Variants in GPRC5A observed in about 807,000 individuals in gnomAD.
GPRC5A encodes the protein G protein-coupled receptor class C group 5 member A, also known as retinoic acid-induced protein 3.
A neutral mutation model predicts 22.5 loss-of-function variants in GPRC5A; 19 were observed. The observed-to-expected ratio is 0.85, with a 90% CI of 0.59 to 1.24. The LOEUF (loss-of-function observed/expected upper bound fraction) is 1.24, where lower values mean the gene tolerates loss of function less well. Among genes scored for constraint, GPRC5A ranks in the 50% most tolerant of loss-of-function variants. The pLI, the probability that GPRC5A is intolerant of heterozygous loss-of-function variation, is 0.00. For synonymous variants in GPRC5A, 192 were observed against 184.5 expected, an observed-to-expected ratio of 1.04 and a Z score of -0.33; for missense variants, 471 against 451.1, an observed-to-expected ratio of 1.04 and a Z score of -0.40.
At chr12:12,908,148 A>G in intron 1 of GPRC5A, 95 bp from the exon 2 acceptor site, 1 of 830,690 alleles carries the variant, frequency 1.2e-6, no homozygotes, top group Non-Finnish European at 1.9e-6. Context: ...AAACATGCAA[A>G]ATTGGTTTCC....
rs1342463171 is a variant in GPRC5A at position 12,916,198 on chromosome 12, T to A, written c.*3659T>A. The A allele has an allele frequency of 6.3e-6, 1 of 158,742 alleles. No homozygotes were observed. The allele number at this position is 158,742 out of a possible 1,614,324, so 9.8% of individuals were successfully genotyped here. On this transcript the variant is annotated 3_prime_UTR_variant, in exon 4 of 4. Transcript: ENST00000014914. ...CCTGGGCTGAAATGGAATGTGCAAATGTAGCCCAGCCTGGTCCTTGGGTGT... is the reference window on the plus strand; with the variant it reads ...CCTGGGCTGAAATGGAATGTGCAAAAGTAGCCCAGCCTGGTCCTTGGGTGT...
rs560619743 is a variant in GPRC5A, at chr12:12,899,796, C to T, written c.-8+8132C>T. Among the ~76,000 whole-genome samples, 8 of 152,270 alleles carry T rather than the reference C, an allele frequency of 5.3e-5. No individual in the cohort carries two copies. The South Asian group carries it at 1.7e-3, about 32-fold the overall frequency. Reference sequence around the variant, plus strand: ...AAAATGAAAATGCTAGAAAGTCACACATTTTCAGGGCTGGGCTGGCGCGAA... The same window carrying T: ...AAAATGAAAATGCTAGAAAGTCACATATTTTCAGGGCTGGGCTGGCGCGAA... On this transcript the variant is annotated intron_variant, in intron 1 of 3. Coordinates refer to ENST00000014914, the MANE Select transcript of GPRC5A (RefSeq NM_003979.4).
At chr12:12,892,715 C>T (rs1332101212) in intron 1 of GPRC5A, among the ~76,000 whole-genome samples, 2 of 152,178 alleles carry the variant, frequency 1.3e-5, no homozygotes, top group African/African-American at 4.8e-5. Context: ...CAGCTGAAAC[C>T]TGCTCAGAAT....
chr12:12,895,817 A>AAT (rs1298598530), intron 1 of GPRC5A, among the ~76,000 whole-genome samples: 3 of 97,202 alleles, frequency 3.1e-5, no homozygotes, highest in African/African-American at 1.2e-4. Flanking sequence ...CTCTACTAAA[A>AAT]ATACAAAAAA....
Position 12,916,717 on chromosome 12 carries a change from C to T in GPRC5A, c.*4178C>T, listed in dbSNP as rs1032631085. The stretch of plus-strand genomic sequence containing the variant: ...CTGGCATCTTTACGGAGAGCGGTCT[C>T]ATATGCTATTGTTGTTAACGTGGAC... On this transcript the variant is annotated 3_prime_UTR_variant, in exon 4 of 4. Coordinates refer to ENST00000014914, the MANE Select transcript of GPRC5A (RefSeq NM_003979.4). 1 of 152,210 alleles carries T rather than the reference C, an allele frequency of 6.6e-6. No homozygotes were observed. Among genetic ancestry groups the T allele is most frequent in the African/African-American group, 2.4e-5 (1 of 41,442 alleles). 9.4% of individuals were successfully genotyped at this position (152,210 alleles called of 1,614,324 possible). A position where few individuals can be genotyped will look rare whatever the true frequency, so the allele number is the denominator to read the frequency against.
intron 1 of GPRC5A, among the ~76,000 whole-genome samples, chr12:12,905,445 G>A (rs1034237625): frequency 1.3e-5 from 2 of 151,670 alleles, no homozygotes; most frequent in Admixed American, 1.3e-4. Flanking sequence ...AATCTCATTG[G>A]GAAACAAAAA....
intron 1 of GPRC5A, among the ~76,000 whole-genome samples, chr12:12,906,400 A>G (rs949925335): frequency 1.3e-5 from 2 of 152,072 alleles, no homozygotes; most frequent in African/African-American, 2.4e-5. Flanking sequence ...GTGAAACCCC[A>G]TCTCTACAAA....
At chr12:12,895,065 A>G (rs1314347652) in intron 1 of GPRC5A, among the ~76,000 whole-genome samples, 2 of 152,154 alleles carry the variant, frequency 1.3e-5, no homozygotes, top group Non-Finnish European at 2.9e-5. Context: ...GGCGTGAGCC[A>G]CCGTGCCCGG....
chr12:12,896,316 A>T (rs1430822007), intron 1 of GPRC5A, among the ~76,000 whole-genome samples: 1 of 152,138 alleles, frequency 6.6e-6, no homozygotes, highest in African/African-American at 2.4e-5. Flanking sequence ...TTCTCTCATT[A>T]TTGCATAGAA....
In GPRC5A at chr12:12,915,745, C is replaced by T. The variant is rs945331041; in HGVS notation, c.*3206C>T. 1 of 388,504 alleles carries T rather than the reference C, an allele frequency of 2.6e-6. No individual in the cohort carries two copies. The highest frequency in any genetic ancestry group is 5.5e-6 in the Non-Finnish European group (1 of 180,582). The allele number at this position is 388,504 out of a possible 1,614,324, so 24.1% of individuals were successfully genotyped here. On this transcript the variant is annotated 3_prime_UTR_variant, in exon 4 of 4. Transcript: ENST00000014914. ...AACCTCGTGATCCACCTACCTTGGC[C>T]TCTGAAAGTGCTGGGATACCGTGGC...
chr12:12,909,276 C>A (rs551005485), intron 2 of GPRC5A, 105 bp downstream of exon 2: 2 of 821,664 alleles, frequency 2.4e-6, no homozygotes, highest in East Asian at 2.5e-5. Flanking sequence ...CAGATTATAC[C>A]CTTGATAGAA....
intron 1 of GPRC5A, among the ~76,000 whole-genome samples, chr12:12,899,610 A>G (rs1215797807): frequency 6.6e-6 from 1 of 152,236 alleles, no homozygotes; most frequent in Non-Finnish European, 1.5e-5. Context: ...ATGTAAAAGC[A>G]TGTAAATGAG....
rs971138416 is a variant in GPRC5A, at chr12:12,917,421, C to G, written c.*4882C>G. 11 of 152,178 alleles carry G rather than the reference C, an allele frequency of 7.2e-5. No homozygotes were observed. Among genetic ancestry groups the G allele is most frequent in the African/African-American group, 2.4e-4 (10 of 41,506 alleles). 9.4% of individuals were successfully genotyped at this position (152,178 alleles called of 1,614,324 possible). Reference sequence around the variant, plus strand: ...CTTCATTTTACAGAGGAACTCAGGGCTAATGGAGTTAATGCAACTAGATCA... The same window carrying G: ...CTTCATTTTACAGAGGAACTCAGGGGTAATGGAGTTAATGCAACTAGATCA... On this transcript the variant is annotated 3_prime_UTR_variant, in exon 4 of 4. Coordinates refer to ENST00000014914, the MANE Select transcript of GPRC5A (RefSeq NM_003979.4).
intron 1 of GPRC5A, among the ~76,000 whole-genome samples, chr12:12,894,616 C>G (rs541426124): frequency 6.6e-6 from 1 of 151,890 alleles, no homozygotes; most frequent in East Asian, 1.9e-4. Context: ...GCCATGTAGC[C>G]TAGGCTTGAC....
chr12:12,912,693 T>C lies in GPRC5A; in HGVS notation c.*154T>C. 1.7e-6 allele frequency: 1 copy of C among 603,746 alleles called. No individual in the cohort carries two copies. The highest frequency in any genetic ancestry group is 2.0e-5 in the South Asian group (1 of 49,126). 37.4% of individuals were successfully genotyped at this position (603,746 alleles called of 1,614,324 possible). On this transcript the variant is annotated 3_prime_UTR_variant, in exon 4 of 4. Transcript: ENST00000014914. ...CCCAGCCTCAACCACAATTCTTCCA[T>C]GCTGGGGCTGATGTGGGCTAGTAAG...
rs1864018426 is a variant in GPRC5A at position 12,912,746 on chromosome 12, T to A, written c.*207T>A. On this transcript the variant is annotated 3_prime_UTR_variant, in exon 4 of 4. Coordinates refer to ENST00000014914, the MANE Select transcript of GPRC5A (RefSeq NM_003979.4). The stretch of plus-strand genomic sequence containing the variant: ...TCCAGTTCTTAGAGGCGCTGTAGTA[T>A]TTTTTTTTTTTTGTCTCATCCTTTG... 9.7e-6 allele frequency: 1 copy of A among 103,450 alleles called. No homozygotes were observed. The highest frequency in any genetic ancestry group is 1.7e-5 in the Non-Finnish European group (1 of 59,012). 6.4% of individuals were successfully genotyped at this position (103,450 alleles called of 1,614,324 possible).
rs1864039333 is a variant in GPRC5A at position 12,914,553 on chromosome 12, T to TTTCTTTCC, written c.*2021_*2022insCTTCTTTC. ...CTTTCCTTCCTTCCTTCCTTTCTTC[T>TTTCTTTCC]TTCTTTCTTTCTTTCTTTCTTTCTT... On this transcript the variant is annotated 3_prime_UTR_variant, in exon 4 of 4. Coordinates refer to ENST00000014914, the MANE Select transcript of GPRC5A (RefSeq NM_003979.4). 1 of 42,494 alleles carries TTTCTTTCC rather than the reference T, an allele frequency of 2.4e-5. No individual in the cohort carries two copies. Among genetic ancestry groups the TTTCTTTCC allele is most frequent in the African/African-American group, 7.5e-5 (1 of 13,366 alleles). The allele number at this position is 42,494 out of a possible 1,614,324, so 2.6% of individuals were successfully genotyped here. A position where few individuals can be genotyped will look rare whatever the true frequency, so the allele number is the denominator to read the frequency against.
chr12:12,917,861 C>T lies in GPRC5A; in HGVS notation c.*5322C>T, dbSNP rs576032432. 6.6e-6 allele frequency: 1 copy of T among 152,326 alleles called. No individual in the cohort carries two copies. The highest frequency in any genetic ancestry group is 1.5e-5 in the Non-Finnish European group (1 of 68,028). 9.4% of individuals were successfully genotyped at this position (152,326 alleles called of 1,614,324 possible). A position where few individuals can be genotyped will look rare whatever the true frequency, so the allele number is the denominator to read the frequency against. ...CTGCTTAATGGATGCCTTTTCACAT[C>T]ATTTCAGTTTTTAGCCCTCATGACT... On this transcript the variant is annotated 3_prime_UTR_variant, in exon 4 of 4. Transcript: ENST00000014914.
At chr12:12,897,541 G>C (rs886160453) in intron 1 of GPRC5A, among the ~76,000 whole-genome samples, 10 of 152,008 alleles carry the variant, frequency 6.6e-5, no homozygotes, top group Non-Finnish European at 2.9e-5. Flanking sequence ...GGACTAATTG[G>C]AGAAAGGCCT....
Sources: allele counts gnomAD v4.1 joint callset (sites outside exome capture counted in the v4.1 genomes callset), GRCh38; gene constraint gnomAD v4.1.1; transcripts MANE v1.5; gene names NCBI Gene and HGNC (gene_info 2026-07-23, HGNC 2026-07-21).